The following TAS1R2 variants were observed in gnomAD, a reference collection of about 807,000 sequenced individuals.
The protein encoded by TAS1R2 is taste 1 receptor member 2, also known as taste receptor type 1 member 2.
A neutral mutation model predicts 49.3 loss-of-function variants in TAS1R2; 47 were observed. The observed-to-expected ratio is 0.95, with a 90% confidence interval of 0.75 to 1.22. TAS1R2 has a LOEUF of 1.22. Among genes scored for constraint, TAS1R2 ranks in the 50% most tolerant of loss-of-function variants. The pLI is 0.00. For missense variants in TAS1R2, 1,155 were observed against 1,122.1 expected, an observed-to-expected ratio of 1.03 and a Z score of -0.42; for synonymous variants, 479 against 467.9, an observed-to-expected ratio of 1.02 and a Z score of -0.31.
rs370587266 is a variant in TAS1R2 at position 18,854,704 on chromosome 1, G to A, written c.766C>T (p.Arg256Cys). The change falls in exon 3 of 6, where the codon CGC becomes TGC. Residue 256 changes from arginine (R) to cysteine (C), a missense_variant. Coordinates refer to ENST00000375371, the Ensembl canonical transcript of TAS1R2. The surrounding 1 kb of genome is among the most constrained non-coding windows in gnomAD (Gnocchi z 4.9). The stretch of plus-strand genomic sequence containing the variant: ...AGCTTGTCCACAATGGTCACCAGGC[G>A]CTGGCGCTCCTCTGACGTCATGTTC... 8.3e-5 allele frequency: 134 copies of A among 1,613,420 alleles called. No homozygotes were observed. Among genetic ancestry groups the A allele is most frequent in the Non-Finnish European group, 1.0e-4 (121 of 1,179,930 alleles).
intron 1 of TAS1R2, among the ~76,000 whole-genome samples, chr1:18,858,922 C>A (rs1934189783): frequency 6.6e-6 from 1 of 152,176 alleles, no homozygotes; most frequent in South Asian, 2.1e-4. Flanking sequence ...CTTTTTTAGT[C>A]CCAGGCTGGC....
intron 4 of TAS1R2, among the ~76,000 whole-genome samples, chr1:18,846,160 G>A (rs534214060): frequency 3.3e-5 from 5 of 152,250 alleles, no homozygotes; most frequent in South Asian, 2.1e-4. Flanking sequence ...ACCTGGCCTC[G>A]GCTACACAGC....
intron 2 of TAS1R2, among the ~76,000 whole-genome samples, chr1:18,856,665 T>A (rs1007396456): frequency 1.1e-4 from 17 of 152,256 alleles, no homozygotes; most frequent in African/African-American, 3.6e-4. Context: ...CTCAGCTAGA[T>A]GCTTCATGTA....
chr1:18,847,387 C>T (rs1933939675), intron 4 of TAS1R2, among the ~76,000 whole-genome samples: 1 of 92,996 alleles, frequency 1.1e-5, no homozygotes, highest in Non-Finnish European at 2.5e-5. Context: ...CCACCCCAGT[C>T]TGTGATACTT....
At chr1:18,846,468 C>T (rs767015868) in intron 4 of TAS1R2, among the ~76,000 whole-genome samples, 18 of 152,212 alleles carry the variant, frequency 1.2e-4, no homozygotes, top group Non-Finnish European at 2.6e-4. Flanking sequence ...TGTATCATGT[C>T]CTGGAATAAA....
At chr1:18,848,740 G>A (rs1254021489) in intron 4 of TAS1R2, among the ~76,000 whole-genome samples, 1 of 152,184 alleles carries the variant, frequency 6.6e-6, no homozygotes, top group East Asian at 1.9e-4. Flanking sequence ...AAGGGATCTA[G>A]GTTGCACACT....
At position 18,854,523 on chromosome 1, in the gene TAS1R2, A is replaced by G; in HGVS notation, c.947T>C (p.Leu316Pro). 1 of 1,613,866 alleles carries G rather than the reference A, an allele frequency of 6.2e-7. No homozygotes were observed. The highest frequency in any genetic ancestry group is 1.1e-5 in the South Asian group (1 of 91,080). Residue 316 changes from leucine to proline, a missense_variant, in exon 3 of 6, where the codon CTG (leucine) becomes CCG (proline). Coordinates refer to ENST00000375371, the Ensembl canonical transcript of TAS1R2. The surrounding 1 kb of genome is among the most constrained non-coding windows in gnomAD (Gnocchi z 4.9). ...GCCCAGGAAGGTGCCCAAGTGGCGC[A>G]GCTCCGTGAGGTTGTGCAGGACCGG...
At chr1:18,852,271 A>AC (rs1934043202) in intron 3 of TAS1R2, among the ~76,000 whole-genome samples, 1 of 152,198 alleles carries the variant, frequency 6.6e-6, no homozygotes, top group Non-Finnish European at 1.5e-5. Flanking sequence ...TAAGGACACC[A>AC]CATACCATTT....
At chr1:18,857,657 T>C (rs1271029161) in intron 1 of TAS1R2, 26 bp from the exon 2 acceptor site, 10 of 1,598,774 alleles carry the variant, frequency 6.3e-6, no homozygotes, top group Non-Finnish European at 8.5e-6. Flanking sequence ...CATCATGAGG[T>C]GGAAGCAGAT....
intron 2 of TAS1R2, 88 bp downstream of exon 2, chr1:18,857,243 T>C (rs1569680910): frequency 2.8e-6 from 4 of 1,410,974 alleles, no homozygotes; most frequent in Non-Finnish European, 3.8e-6. Flanking sequence ...CCTCCCATGA[T>C]TGATGGAGGA....
chr1:18,854,434 C>A lies in TAS1R2; in HGVS notation c.1036G>T (p.Gly346Trp), dbSNP rs868175207. 1 of 1,614,014 alleles carries A rather than the reference C, an allele frequency of 6.2e-7. No individual in the cohort carries two copies. The highest frequency in any genetic ancestry group is 1.7e-5 in the Admixed American group (1 of 59,996). ...CTGGTCCTGCTGAGGGGTGGCGGCCCAGCCTGTGGGCCCCACTCGCGGAAC... is the reference window on the plus strand; with the variant it reads ...CTGGTCCTGCTGAGGGGTGGCGGCCAAGCCTGTGGGCCCCACTCGCGGAAC... Residue 346 changes from glycine to tryptophan, a missense_variant, in exon 3 of 6, where the codon GGG becomes TGG. Coordinates refer to ENST00000375371, the Ensembl canonical transcript of TAS1R2. This position sits in a 1 kb window ranked among gnomAD's most constrained non-coding sequence, Gnocchi z 4.9.
At chr1:18,845,210 G>A (rs1383209711) in intron 4 of TAS1R2, among the ~76,000 whole-genome samples, 1 of 152,182 alleles carries the variant, frequency 6.6e-6, no homozygotes, top group Non-Finnish European at 1.5e-5. Context: ...ACATGGGCAT[G>A]TGACCACAGG....
At chr1:18,849,461 C>T (rs1933982390) in exon 4 of TAS1R2, 1 of 1,614,140 alleles carries the variant, frequency 6.2e-7, no homozygotes, top group Non-Finnish European at 8.5e-7. Flanking sequence ...ACTGGACAAT[C>T]TCCAAGTGCA....
chr1:18,848,447 A>G (rs1933961040), intron 4 of TAS1R2, among the ~76,000 whole-genome samples: 1 of 152,054 alleles, frequency 6.6e-6, no homozygotes, highest in Admixed American at 6.5e-5. Context: ...CAGTGGGGGA[A>G]GGACAGGACC....
In TAS1R2 at chr1:18,854,144, C is replaced by A; in HGVS notation, c.1257+69G>T. On this transcript the variant is annotated intron_variant, in intron 3 of 5. Transcript: ENST00000375371. This position sits in a 1 kb window ranked among gnomAD's most constrained non-coding sequence, Gnocchi z 4.9. ...TGGGATACTCATGCCCTTTCACACC[C>A]ATTTGCCCAGAACCCCAGGGGAGGA... 2 of 1,474,998 alleles carry A rather than the reference C, an allele frequency of 1.4e-6. No individual in the cohort carries two copies. The highest frequency in any genetic ancestry group is 1.3e-5 in the South Asian group (1 of 78,642). 91.4% of individuals were successfully genotyped at this position (1,474,998 alleles called of 1,614,324 possible).
intron 2 of TAS1R2, among the ~76,000 whole-genome samples, chr1:18,855,981 C>T (rs1428383990): frequency 6.6e-6 from 1 of 152,206 alleles, no homozygotes; most frequent in Admixed American, 6.5e-5. Flanking sequence ...GCAACATTAC[C>T]CATCCACCTT....
At chr1:18,852,709 C>CCCAGTCA (rs1377329564) in intron 3 of TAS1R2, among the ~76,000 whole-genome samples, 1 of 152,182 alleles carries the variant, frequency 6.6e-6, no homozygotes, top group Admixed American at 6.5e-5. Flanking sequence ...ACCACTCAAG[C>CCCAGTCA]CCAGTCACGT....
Position 18,841,726 on chromosome 1 carries a change from T to C in TAS1R2, c.1591+3A>G. The C allele has an allele frequency of 1.9e-6, 3 of 1,612,790 alleles. No individual in the cohort carries two copies. Among genetic ancestry groups the C allele is most frequent in the Non-Finnish European group, 2.5e-6 (3 of 1,178,998 alleles). ...GCAGGAGTGCTAGGCCTGTGAATCA[T>C]ACCTTCAGTGTGGTTGAGGAAGGTG... On this transcript the variant is annotated splice_donor_region_variant and intron_variant, in intron 5 of 5. Coordinates refer to ENST00000375371, the Ensembl canonical transcript of TAS1R2.
At chr1:18,840,336 T>G in exon 6 of TAS1R2, 2 of 1,614,120 alleles carry the variant, frequency 1.2e-6, no homozygotes, top group Non-Finnish European at 1.7e-6. Context: ...GAGCGAACTA[T>G]GGGTGTCTGG....
Sources: allele counts gnomAD v4.1 joint callset (sites outside exome capture counted in the v4.1 genomes callset), GRCh38; gene constraint gnomAD v4.1.1; non-coding constraint Gnocchi (gnomAD v3.1); transcripts MANE v1.5; gene names NCBI Gene and HGNC (gene_info 2026-07-23, HGNC 2026-07-21).